RBMS3: variants seen among roughly 807,000 people sequenced by gnomAD.
The protein encoded by RBMS3 is RNA-binding motif, single-stranded-interacting protein 3.
A neutral mutation model predicts 66.8 loss-of-function variants in RBMS3; 27 were observed. The observed-to-expected ratio is 0.40, with a 90% confidence interval of 0.30 to 0.56. The LOEUF (loss-of-function observed/expected upper bound fraction) is 0.56. Among genes scored for constraint, RBMS3 ranks in the 20% least tolerant of loss-of-function variants. The pLI is 0.40. For missense variants in RBMS3, 513 were observed against 549.5 expected, an observed-to-expected ratio of 0.93 and a Z score of 0.66; for synonymous variants, 188 against 183.0, an observed-to-expected ratio of 1.03 and a Z score of -0.22.
intron 1 of RBMS3, among the ~76,000 whole-genome samples, chr3:29,335,171 G>T (rs2035876851): frequency 6.6e-6 from 1 of 151,934 alleles, no homozygotes; most frequent in East Asian, 1.9e-4. Context: ...TGTTGTAGAT[G>T]TTTTTGTTCT....
At chr3:29,386,329 C>T (rs2039007232) in intron 1 of RBMS3, among the ~76,000 whole-genome samples, 1 of 152,092 alleles carries the variant, frequency 6.6e-6, no homozygotes, top group Non-Finnish European at 1.5e-5. Flanking sequence ...TACATTTTCT[C>T]TCCTTTCTGC....
chr3:29,306,083 T>A (rs1278732599), intron 1 of RBMS3, among the ~76,000 whole-genome samples: 3 of 151,944 alleles, frequency 2.0e-5, no homozygotes, highest in Non-Finnish European at 4.4e-5. Context: ...TTTTAGACCT[T>A]TAGAAAATCT....
intron 10 of RBMS3, among the ~76,000 whole-genome samples, chr3:29,900,710 G>C (rs570369065): frequency 1.3e-5 from 2 of 151,736 alleles, no homozygotes; most frequent in Admixed American, 6.6e-5. Flanking sequence ...GCTTTTGTGA[G>C]GATCAAATGA....
rs571002730 is a variant in RBMS3 at position 29,884,422 on chromosome 3, T to TTCTCTCTCTC, written c.791+253_791+262dup. Among the ~76,000 whole-genome samples the TTCTCTCTCTC allele has an allele frequency of 5.1e-3, 215 of 41,866 alleles. 10 individuals carry two copies. Among genetic ancestry groups the TTCTCTCTCTC allele is most frequent in the East Asian group, 8.6e-3 (9 of 1,052 alleles). The allele number at this position is 41,866 out of a possible 152,430, so 27.5% of individuals were successfully genotyped here. On this transcript the variant is annotated intron_variant, in intron 8 of 14. Transcript: ENST00000383767. ...ATGCCTCTGCCCACATTAAACCCTGTTCTCTCTCTCTCTCTCTCTCTCTCT... is the reference window on the plus strand; with the variant it reads ...ATGCCTCTGCCCACATTAAACCCTGTTCTCTCTCTCTCTCTCTCTCTCTCTCTCTCTCTCT...
At chr3:29,875,042 A>C (rs920586486) in intron 7 of RBMS3, among the ~76,000 whole-genome samples, 1 of 152,184 alleles carries the variant, frequency 6.6e-6, no homozygotes, top group Admixed American at 6.5e-5. Flanking sequence ...GGAAGATTAC[A>C]GCAAGTAATT....
chr3:29,449,848 G>T (rs918131668), intron 2 of RBMS3, among the ~76,000 whole-genome samples: 1 of 152,050 alleles, frequency 6.6e-6, no homozygotes, highest in Non-Finnish European at 1.5e-5. Flanking sequence ...TGTTTTTTTG[G>T]TATTTATATG....
At chr3:29,795,090 A>G (rs1176013264) in intron 6 of RBMS3, among the ~76,000 whole-genome samples, 1 of 152,182 alleles carries the variant, frequency 6.6e-6, no homozygotes, top group Admixed American at 6.5e-5. Flanking sequence ...ATACTTCTCT[A>G]CTTGCCTCTT....
intron 2 of RBMS3, among the ~76,000 whole-genome samples, chr3:29,485,117 GC>G (rs2043272881): frequency 6.6e-6 from 1 of 152,074 alleles, no homozygotes; most frequent in Admixed American, 6.6e-5. Flanking sequence ...AATAAAAGAT[GC>G]CATTAGTTTA....
chr3:29,692,015 T>A (rs2052046941), intron 4 of RBMS3, among the ~76,000 whole-genome samples: 1 of 142,246 alleles, frequency 7.0e-6, no homozygotes, highest in Non-Finnish European at 1.5e-5. Flanking sequence ...AATGGCACAA[T>A]CTCAGCTCAC....
At chr3:29,953,321 G>C (rs537434438) in intron 12 of RBMS3, among the ~76,000 whole-genome samples, 1 of 152,038 alleles carries the variant, frequency 6.6e-6, no homozygotes, top group Non-Finnish European at 1.5e-5. Flanking sequence ...GGAGATGTTT[G>C]ATTGTTTAGG....
chr3:30,003,962 A>ATTT lies in RBMS3; in HGVS notation c.*105_*107dup. ...GTTTGCACAGACGTCAATGGAATGC[A>ATTT]TTTTTTTGTTGTTGTTGTTGTTTTT... On this transcript the variant is annotated 3_prime_UTR_variant, in exon 15 of 15. Coordinates refer to ENST00000383767, the MANE Select transcript of RBMS3 (RefSeq NM_001003793.3). 8 of 1,046,050 alleles carry ATTT rather than the reference A, an allele frequency of 7.6e-6. No homozygotes were observed. The African/African-American group carries it at 8.2e-5, about 11-fold the overall frequency. The allele number at this position is 1,046,050 out of a possible 1,614,324, so 64.8% of individuals were successfully genotyped here.
intron 1 of RBMS3, among the ~76,000 whole-genome samples, chr3:29,324,646 C>G (rs907302076): frequency 3.4e-5 from 5 of 146,290 alleles, no homozygotes; most frequent in Admixed American, 1.3e-4. Flanking sequence ...GATGTTTCCC[C>G]TGTGCCCTTC....
intron 12 of RBMS3, among the ~76,000 whole-genome samples, chr3:29,980,279 G>T (rs1374319901): frequency 6.6e-6 from 1 of 152,012 alleles, no homozygotes; most frequent in Non-Finnish European, 1.5e-5. Context: ...TTTTTGATAA[G>T]GTTGTCTTTC....
intron 12 of RBMS3, among the ~76,000 whole-genome samples, chr3:29,958,156 G>C (rs1036851969): frequency 6.6e-6 from 1 of 152,110 alleles, no homozygotes; most frequent in Non-Finnish European, 1.5e-5. Context: ...TAGCAGAAAA[G>C]TTTGCTGTCT....
At chr3:29,876,378 A>G (rs7648332) in intron 7 of RBMS3, among the ~76,000 whole-genome samples, 51,057 of 152,018 alleles carry the variant, frequency 0.34, 12,735 homozygotes, top group African/African-American at 0.71. Context: ...CTAACAAAAT[A>G]GGAAAAAAAA....
chr3:29,311,731 C>T (rs918905356), intron 1 of RBMS3, among the ~76,000 whole-genome samples: 27 of 151,750 alleles, frequency 1.8e-4, no homozygotes, highest in Non-Finnish European at 1.8e-4. Flanking sequence ...TTGATTTTAA[C>T]ATATAAACTT....
intron 4 of RBMS3, among the ~76,000 whole-genome samples, chr3:29,672,506 G>C (rs1250823107): frequency 2.0e-5 from 3 of 152,136 alleles, no homozygotes; most frequent in Non-Finnish European, 2.9e-5. Context: ...TGGATAAAGA[G>C]TCAAGACACA....
intron 12 of RBMS3, among the ~76,000 whole-genome samples, chr3:29,981,198 G>A (rs1697963626): frequency 6.6e-6 from 1 of 152,098 alleles, no homozygotes; most frequent in Non-Finnish European, 1.5e-5. Context: ...TGTAGCAATT[G>A]TGAATAGGAG....
intron 1 of RBMS3, among the ~76,000 whole-genome samples, chr3:29,333,309 T>C (rs963152272): frequency 6.6e-6 from 1 of 152,158 alleles, no homozygotes; most frequent in Admixed American, 6.6e-5. Flanking sequence ...TAGTCAGTGA[T>C]CATTTGCATC....
Sources: gnomAD v4.1 joint callset for allele counts (sites outside exome capture counted in the v4.1 genomes callset) on GRCh38, gnomAD v4.1.1 for gene constraint, MANE v1.5 for transcripts, NCBI Gene and HGNC (gene_info 2026-07-23, HGNC 2026-07-21) for gene names.